The following MBTPS1 variants were observed in gnomAD, a reference collection of about 807,000 sequenced individuals.
MBTPS1 encodes the protein membrane bound transcription factor peptidase, site 1.
Under a neutral mutation model 127.8 loss-of-function variants are expected in MBTPS1, and 94 were observed. The ratio of observed to expected loss-of-function variants is 0.74; its 90% confidence interval spans 0.62 to 0.87. MBTPS1 has a LOEUF of 0.87. Among genes scored for constraint, MBTPS1 ranks in the 40% least tolerant of loss-of-function variants. The probability of loss-of-function intolerance (pLI) is 0.00; values close to 1 mark genes in which losing one functional copy is unlikely to be tolerated. For synonymous variants in MBTPS1, 632 were observed against 509.4 expected, an observed-to-expected ratio of 1.24 and a Z score of -3.24; for missense variants, 1,636 against 1,353.2, an observed-to-expected ratio of 1.21 and a Z score of -3.28.
At chr16:84,087,108 A>G (rs2086039362) in intron 9 of MBTPS1, among the ~76,000 whole-genome samples, 1 of 152,098 alleles carries the variant, frequency 6.6e-6, no homozygotes, top group Non-Finnish European at 1.5e-5. Flanking sequence ...AAACTGGGAA[A>G]CACCGCTTAG....
At chr16:84,108,182 C>T (rs2086351052) in intron 1 of MBTPS1, among the ~76,000 whole-genome samples, 1 of 152,116 alleles carries the variant, frequency 6.6e-6, no homozygotes, top group African/African-American at 2.4e-5. Context: ...GGGCTCACCA[C>T]TGAGAGGTAA....
chr16:84,112,647 G>A (rs530993725), intron 1 of MBTPS1, among the ~76,000 whole-genome samples: 1 of 143,302 alleles, frequency 7.0e-6, no homozygotes, highest in South Asian at 2.2e-4. Context: ...GGGCAACAGA[G>A]CGAGACTCGG....
chr16:84,110,448 T>C (rs923766045), intron 1 of MBTPS1, among the ~76,000 whole-genome samples: 2 of 152,154 alleles, frequency 1.3e-5, no homozygotes, highest in Non-Finnish European at 2.9e-5. Context: ...AAATAAGTAC[T>C]CTCATATGTT....
intron 22 of MBTPS1, among the ~76,000 whole-genome samples, chr16:84,055,230 C>A (rs530801695): frequency 6.6e-6 from 1 of 152,306 alleles, no homozygotes; most frequent in African/African-American, 2.4e-5. Flanking sequence ...CAGCGCACCC[C>A]GTGACCTATG....
intron 1 of MBTPS1, among the ~76,000 whole-genome samples, chr16:84,108,963 T>C (rs924387529): frequency 3.3e-5 from 5 of 152,220 alleles, no homozygotes; most frequent in Non-Finnish European, 4.4e-5. Context: ...TTTCAATACA[T>C]AGACTAACAG....
At chr16:84,116,472 T>C (rs1274805211) in intron 1 of MBTPS1, among the ~76,000 whole-genome samples, 2 of 152,244 alleles carry the variant, frequency 1.3e-5, no homozygotes, top group African/African-American at 4.8e-5. Flanking sequence ...GGCGTATTGT[T>C]TCACTCGGTG....
At chr16:84,069,002 G>C (rs780852391) in intron 14 of MBTPS1, among the ~76,000 whole-genome samples, 2 of 152,170 alleles carry the variant, frequency 1.3e-5, no homozygotes, top group Non-Finnish European at 2.9e-5. Flanking sequence ...ACAGACTCCA[G>C]GTCCTCTCCT....
chr16:84,093,105 C>T (rs1444458294), intron 6 of MBTPS1, 83 bp downstream of exon 6: 3 of 925,640 alleles, frequency 3.2e-6, no homozygotes, highest in Non-Finnish European at 5.4e-6. Context: ...ACTCCTTTTA[C>T]ACAAGTGTGT....
chr16:84,056,459 A>G (rs912962461), intron 21 of MBTPS1: 2 of 213,448 alleles, frequency 9.4e-6, no homozygotes, highest in Non-Finnish European at 1.9e-5. Flanking sequence ...CCCTGGAAGG[A>G]GCCTGTCAGG....
chr16:84,116,360 C>CCT (rs1255083893), intron 1 of MBTPS1, among the ~76,000 whole-genome samples: 3 of 152,224 alleles, frequency 2.0e-5, no homozygotes, highest in African/African-American at 7.2e-5. Flanking sequence ...TATGCACAGA[C>CCT]CGAGATAAGG....
rs2085671433 is a variant in MBTPS1 at position 84,065,678 on chromosome 16, G to A, written c.2431+12C>T. On this transcript the variant is annotated intron_variant, in intron 18 of 22. Coordinates refer to ENST00000343411, the MANE Select transcript of MBTPS1 (RefSeq NM_003791.4). The stretch of plus-strand genomic sequence containing the variant: ...AAGAAGAAGCAAAAGGCCCATGAAT[G>A]GCATCCTTTACCTTGGTCCTTGAAA... 4 of 1,599,502 alleles carry A rather than the reference G, an allele frequency of 2.5e-6. No individual in the cohort carries two copies. Among genetic ancestry groups the A allele is most frequent in the Non-Finnish European group, 2.6e-6 (3 of 1,167,340 alleles).
chr16:84,066,367 C>A, intron 17 of MBTPS1, 122 bp downstream of exon 17: 1 of 1,064,560 alleles, frequency 9.4e-7, no homozygotes. Context: ...CTGGTGAGTT[C>A]TTTCCACAGA....
At chr16:84,056,314 C>T (rs528833852) in intron 21 of MBTPS1, 179 bp from the exon 22 acceptor site, 3 of 548,980 alleles carry the variant, frequency 5.5e-6, no homozygotes, top group African/African-American at 3.8e-5. Context: ...GCCGTTTCCA[C>T]GTCCCGAGGG....
intron 4 of MBTPS1, 78 bp from the exon 5 acceptor site, chr16:84,093,899 T>C: frequency 2.0e-6 from 2 of 1,013,740 alleles, no homozygotes; most frequent in Non-Finnish European, 3.1e-6. Flanking sequence ...AATACATTCC[T>C]TCCTGGGACC....
chr16:84,074,599 T>C lies in MBTPS1; in HGVS notation c.1591A>G (p.Lys531Glu). The C allele has an allele frequency of 6.2e-7, 1 of 1,613,750 alleles. No individual in the cohort carries two copies. The highest frequency in any genetic ancestry group is 8.5e-7 in the Non-Finnish European group (1 of 1,179,726). ...ACCAAGTCAGAGAGAAGTTTCACCT[T>C]ATCTACAATTCTTCCTGTGACTCCC... is the stretch of plus-strand genomic sequence containing the variant. Reference protein sequence around the residue: ...GMGVTGRIVDKPDWQPYLPQN... With the variant: ...GMGVTGRIVDEPDWQPYLPQN... Residue 531 changes from lysine (K) to glutamate (E), a missense_variant and splice_region_variant, in exon 12 of 23, where the codon AAG (lysine) becomes GAG (glutamate). Coordinates refer to ENST00000343411, the MANE Select transcript of MBTPS1 (RefSeq NM_003791.4).
chr16:84,104,510 T>C (rs937666554), intron 1 of MBTPS1, among the ~76,000 whole-genome samples: 1 of 152,136 alleles, frequency 6.6e-6, no homozygotes, highest in African/African-American at 2.4e-5. Context: ...AAAACTTTTC[T>C]GCCTCAAGCT....
chr16:84,067,247 C>T (rs536270474), intron 16 of MBTPS1, among the ~76,000 whole-genome samples: 1 of 152,266 alleles, frequency 6.6e-6, no homozygotes, highest in East Asian at 1.9e-4. Flanking sequence ...CAAGGAAAGA[C>T]AATGAACCCT....
chr16:84,095,889 G>C, intron 3 of MBTPS1, 84 bp from the exon 4 acceptor site: 1 of 1,105,792 alleles, frequency 9.0e-7, no homozygotes, highest in Non-Finnish European at 1.3e-6. Flanking sequence ...CCTAAACACA[G>C]GGAGGATTAC....
rs2085591112 is a variant in MBTPS1 at position 84,060,373 on chromosome 16, T to G, written c.2704+309A>C. The G allele has an allele frequency of 2.0e-5, 5 of 246,548 alleles. No homozygotes were observed. In the South Asian group the frequency reaches 5.0e-4, roughly 25 times the overall value. 15.3% of individuals were successfully genotyped at this position (246,548 alleles called of 1,614,324 possible). The stretch of plus-strand genomic sequence containing the variant: ...GAATGTTGGTGATTCTTCCTGAAGA[T>G]CTGTAGGAGCCACTGTCCTCACCTG... On this transcript the variant is annotated intron_variant, in intron 20 of 22. Coordinates refer to ENST00000343411, the MANE Select transcript of MBTPS1 (RefSeq NM_003791.4).
Sources: gnomAD v4.1 joint callset for allele counts (sites outside exome capture counted in the v4.1 genomes callset) on GRCh38, gnomAD v4.1.1 for gene constraint, MANE v1.5 for transcripts, NCBI Gene and HGNC (gene_info 2026-07-23, HGNC 2026-07-21) for gene names.